Variants in OPCML observed in about 807,000 individuals in gnomAD.
The protein encoded by OPCML is opioid binding protein/cell adhesion molecule like.
OPCML carries 13 observed loss-of-function variants against 37.8 expected under a neutral mutation model. That is an observed-to-expected ratio of 0.34 (90% CI 0.22 to 0.55). The LOEUF is 0.55. Ranked by LOEUF, OPCML falls within the 20% of genes least tolerant of loss-of-function variation. The pLI, the probability that OPCML is intolerant of heterozygous loss-of-function variation, is 0.91. For synonymous variants in OPCML, 176 were observed against 168.8 expected, an observed-to-expected ratio of 1.04 and a Z score of -0.33; for missense variants, 341 against 435.6, an observed-to-expected ratio of 0.78 and a Z score of 1.93.
At chr11:133,096,142 G>C (rs1948999246) in intron 1 of OPCML, among the ~76,000 whole-genome samples, 1 of 151,528 alleles carries the variant, frequency 6.6e-6, no homozygotes, top group African/African-American at 2.4e-5. Context: ...GTGTGTGTGT[G>C]TGTGTGTGTG....
rs1396696348 is a variant in OPCML, at chr11:132,701,795, TG to T, written c.147-44477del. 5.6e-3 allele frequency among the ~76,000 whole-genome samples: 744 copies of T among 133,940 alleles called. 5 individuals carry two copies. The highest frequency in any genetic ancestry group is 0.019 in the African/African-American group (649 of 35,008). 87.9% of individuals were successfully genotyped at this position (133,940 alleles called of 152,430 possible). A position where few individuals can be genotyped will look rare whatever the true frequency, so the allele number is the denominator to read the frequency against. Reference sequence around the variant, plus strand: ...GTGTGTGTGTGTGTGTGTGTGTGTGTGGTGGTGGTGGGCGTGTGCTTTCCTT... The same window carrying T: ...GTGTGTGTGTGTGTGTGTGTGTGTGTGTGGTGGTGGGCGTGTGCTTTCCTT... On this transcript the variant is annotated intron_variant, in intron 2 of 7. Coordinates refer to ENST00000524381, the MANE Select transcript of OPCML (RefSeq NM_001012393.5).
At chr11:133,050,816 A>C (rs1049536214) in intron 1 of OPCML, among the ~76,000 whole-genome samples, 1 of 151,990 alleles carries the variant, frequency 6.6e-6, no homozygotes. Context: ...AGAAGCTCTA[A>C]ATCAATCTAT....
chr11:132,914,521 G>A (rs551945583), intron 2 of OPCML, among the ~76,000 whole-genome samples: 5 of 152,306 alleles, frequency 3.3e-5, no homozygotes, highest in Non-Finnish European at 7.4e-5. Context: ...TGGCCATGAT[G>A]TCTTTATCCC....
At chr11:133,499,810 A>G (rs1178070137) in intron 1 of OPCML, among the ~76,000 whole-genome samples, 14 of 141,268 alleles carry the variant, frequency 9.9e-5, no homozygotes, top group Admixed American at 6.3e-4. Context: ...ATGTGTGTGT[A>G]TATATATATA....
chr11:133,208,732 A>G lies in OPCML; in HGVS notation c.62-265722T>C, dbSNP rs929423974. ...ATCCAAGTGAATAAAGGCTGCTGTA[A>G]GACTGAAGCACACGTTATCTAAAGC... On this transcript the variant is annotated intron_variant, in intron 1 of 7. Coordinates refer to ENST00000524381, the MANE Select transcript of OPCML (RefSeq NM_001012393.5). This position sits in a 1 kb window ranked among gnomAD's most constrained non-coding sequence, Gnocchi z 8.9. 3.3e-5 allele frequency among the ~76,000 whole-genome samples: 5 copies of G among 152,186 alleles called. No homozygotes were observed. The highest frequency in any genetic ancestry group is 7.3e-5 in the Non-Finnish European group (5 of 68,032).
At chr11:132,483,796 G>T (rs2096189526) in intron 4 of OPCML, among the ~76,000 whole-genome samples, 1 of 151,526 alleles carries the variant, frequency 6.6e-6, no homozygotes, top group South Asian at 2.1e-4. Context: ...TGACAAACCT[G>T]ACAAAAACAA....
chr11:132,672,170 T>G (rs1942504733), intron 2 of OPCML, among the ~76,000 whole-genome samples: 1 of 152,092 alleles, frequency 6.6e-6, no homozygotes, highest in Non-Finnish European at 1.5e-5. Context: ...AAGTCCTACT[T>G]AGGCCACAGG....
intron 2 of OPCML, among the ~76,000 whole-genome samples, chr11:132,845,917 C>T (rs1294967522): frequency 6.6e-6 from 1 of 152,164 alleles, no homozygotes; most frequent in Non-Finnish European, 1.5e-5. Context: ...TGGGATACAA[C>T]GAGGGTGGGC....
chr11:132,816,920 C>A (rs1298815653), intron 2 of OPCML, among the ~76,000 whole-genome samples: 1 of 152,112 alleles, frequency 6.6e-6, no homozygotes, highest in African/African-American at 2.4e-5. Context: ...GAGTTGACAA[C>A]AAGGGAATCC....
chr11:133,216,339 C>T (rs573106722), intron 1 of OPCML, among the ~76,000 whole-genome samples: 30 of 152,144 alleles, frequency 2.0e-4, no homozygotes, highest in Admixed American at 3.3e-4. Flanking sequence ...GCCATTCTTG[C>T]AATAGAAGCA....
chr11:133,052,822 AGAC>A (rs1948155665), intron 1 of OPCML, among the ~76,000 whole-genome samples: 1 of 152,234 alleles, frequency 6.6e-6, no homozygotes, highest in South Asian at 2.1e-4. Flanking sequence ...GAACCTGCCA[AGAC>A]TGAGGGCAAC....
At chr11:132,626,642 G>A (rs1207642786) in intron 3 of OPCML, among the ~76,000 whole-genome samples, 1 of 151,712 alleles carries the variant, frequency 6.6e-6, no homozygotes, top group Non-Finnish European at 1.5e-5. Context: ...ATCTTTGTAG[G>A]AGTGGCTTTA....
chr11:132,438,962 A>G (rs1328768407), intron 4 of OPCML, among the ~76,000 whole-genome samples: 1 of 152,070 alleles, frequency 6.6e-6, no homozygotes, highest in Non-Finnish European at 1.5e-5. Context: ...CCCAGGGAGT[A>G]CCATCAGTCT....
chr11:132,703,118 G>T (rs1943895936), intron 2 of OPCML, among the ~76,000 whole-genome samples: 1 of 152,092 alleles, frequency 6.6e-6, no homozygotes, highest in Non-Finnish European at 1.5e-5. Flanking sequence ...CCTGAGAAGT[G>T]TGTTGTTAGG....
intron 1 of OPCML, among the ~76,000 whole-genome samples, chr11:133,153,498 C>T (rs937010548): frequency 1.1e-4 from 16 of 152,198 alleles, no homozygotes; most frequent in African/African-American, 3.9e-4. Flanking sequence ...CCCATCTTAG[C>T]TTCTTGCTGG....
intron 1 of OPCML, among the ~76,000 whole-genome samples, chr11:133,289,573 C>T (rs868854081): frequency 2.8e-4 from 34 of 123,150 alleles, no homozygotes; most frequent in Middle Eastern, 5.3e-3. Context: ...CCAGCCTGGG[C>T]GACAGAGCGA....
In OPCML at chr11:132,671,913, T is replaced by C. The variant is rs142390679; in HGVS notation, c.147-14594A>G. On this transcript the variant is annotated intron_variant, in intron 2 of 7. Transcript: ENST00000524381. The stretch of plus-strand genomic sequence containing the variant: ...TGTAGAAAATGTATAATTTACTCTG[T>C]ACTTTACAGCCAATACACCACCTTA... Among the ~76,000 whole-genome samples the C allele has an allele frequency of 7.2e-5, 11 of 152,334 alleles. No individual in the cohort carries two copies. In the East Asian group the frequency reaches 2.1e-3, roughly 29 times the overall value.
intron 2 of OPCML, among the ~76,000 whole-genome samples, chr11:132,841,916 T>C (rs1203341714): frequency 6.8e-6 from 1 of 147,910 alleles, no homozygotes; most frequent in East Asian, 2.0e-4. Context: ...ATATAATAGT[T>C]TCAACAAAGG....
chr11:133,412,293 G>A (rs1441943101), intron 1 of OPCML, among the ~76,000 whole-genome samples: 1 of 152,188 alleles, frequency 6.6e-6, no homozygotes, highest in Non-Finnish European at 1.5e-5. Context: ...GTCCCACAGT[G>A]AGGCCAGACT....
Sources: allele counts gnomAD v4.1 joint callset (sites outside exome capture counted in the v4.1 genomes callset), GRCh38; gene constraint gnomAD v4.1.1; non-coding constraint Gnocchi (gnomAD v3.1); transcripts MANE v1.5; gene names NCBI Gene and HGNC (gene_info 2026-07-23, HGNC 2026-07-21).